The following USP47 variants were observed in gnomAD, a reference collection of about 807,000 sequenced individuals.
USP47 encodes ubiquitin carboxyl-terminal hydrolase 47.
Under a neutral mutation model 165.1 loss-of-function variants are expected in USP47, and 35 were observed. The ratio of observed to expected loss-of-function variants is 0.21; its 90% CI spans 0.16 to 0.28. The LOEUF (loss-of-function observed/expected upper bound fraction) is 0.28. Ranked by LOEUF, USP47 falls within the 10% of genes least tolerant of loss-of-function variation. USP47 has a pLI of 1.00. For missense variants in USP47, 1,277 were observed against 1,607.4 expected (o/e 0.79, Z 3.52); for synonymous variants, 531 against 544.5 (o/e 0.98, Z 0.35).
At chr11:11,880,147 T>A (rs1850737324) in intron 1 of USP47, 30 bp from the exon 2 acceptor site, 3 of 1,406,546 alleles carry the variant, frequency 2.1e-6, no homozygotes, top group Non-Finnish European at 2.8e-6. Context: ...AAAGATAATA[T>A]ATAAAGTCAT....
intron 3 of USP47, among the ~76,000 whole-genome samples, chr11:11,890,410 A>G (rs961455628): frequency 2.0e-5 from 3 of 152,238 alleles, no homozygotes; most frequent in Non-Finnish European, 4.4e-5. Flanking sequence ...TCTCAAAAGA[A>G]GGTATACATG....
intron 16 of USP47, among the ~76,000 whole-genome samples, chr11:11,935,413 A>G (rs1357735958): frequency 6.6e-6 from 1 of 151,990 alleles, no homozygotes; most frequent in Non-Finnish European, 1.5e-5. Flanking sequence ...AATTCTTTAA[A>G]TATAATGGTG....
rs912672932 is a variant in USP47, at chr11:11,933,718, A to T, written c.1765-113A>T. Reference sequence around the variant, plus strand: ...AAAGAATAGATAGAAGAGTGATCTCAATTATGTTCTTTTAAAAAATTGCAG... The same window carrying T: ...AAAGAATAGATAGAAGAGTGATCTCTATTATGTTCTTTTAAAAAATTGCAG... On this transcript the variant is annotated intron_variant, in intron 15 of 27. Coordinates refer to ENST00000527733, the MANE Select transcript of USP47 (RefSeq NM_001282659.2). 4.4e-6 allele frequency: 3 copies of T among 683,548 alleles called. No individual in the cohort carries two copies. The African/African-American group carries it at 5.4e-5, about 12-fold the overall frequency. 42.3% of individuals were successfully genotyped at this position (683,548 alleles called of 1,614,324 possible). A position where few individuals can be genotyped will look rare whatever the true frequency, so the allele number is the denominator to read the frequency against.
intron 16 of USP47, 39 bp downstream of exon 16, chr11:11,933,974 C>CTGTTGTATTAGT: frequency 7.0e-7 from 1 of 1,434,588 alleles, no homozygotes; most frequent in Non-Finnish European, 9.8e-7. Flanking sequence ...CTTACTAATA[C>CTGTTGTATTAGT]AACAGTATTA....
intron 4 of USP47, 114 bp downstream of exon 4, chr11:11,892,220 G>T (rs1172840734): frequency 2.5e-6 from 3 of 1,199,696 alleles, no homozygotes; most frequent in Non-Finnish European, 3.4e-6. Flanking sequence ...CCTAGAGCAG[G>T]AGTACTAGCT....
At chr11:11,944,206 C>T (rs1040721308) in intron 20 of USP47, among the ~76,000 whole-genome samples, 7 of 150,082 alleles carry the variant, frequency 4.7e-5, no homozygotes, top group African/African-American at 7.4e-5. Flanking sequence ...CTGTTAGAAG[C>T]AGAGACAACT....
intron 19 of USP47, among the ~76,000 whole-genome samples, chr11:11,941,781 G>A (rs1855491746): frequency 6.6e-6 from 1 of 152,010 alleles, no homozygotes; most frequent in African/African-American, 2.4e-5. Flanking sequence ...TCTAGTCAGT[G>A]TTCAAATTTC....
chr11:11,924,177 TC>T (rs1854070578), intron 11 of USP47, among the ~76,000 whole-genome samples: 1 of 152,232 alleles, frequency 6.6e-6, no homozygotes, highest in Admixed American at 6.5e-5. Context: ...AAAACTTTTA[TC>T]ATGAATAGGT....
At chr11:11,949,826 G>T in intron 22 of USP47, 63 bp from the exon 23 acceptor site, 2 of 1,077,650 alleles carry the variant, frequency 1.9e-6, no homozygotes. Context: ...TTATTTTAAT[G>T]TGTTAATATT....
chr11:11,920,719 G>A (rs1321145331), intron 10 of USP47, among the ~76,000 whole-genome samples: 4 of 151,796 alleles, frequency 2.6e-5, no homozygotes, highest in Non-Finnish European at 5.9e-5. Flanking sequence ...TTTGATCAGA[G>A]TAACTTATGA....
chr11:11,874,630 G>C (rs186596739), intron 1 of USP47, among the ~76,000 whole-genome samples: 1 of 151,918 alleles, frequency 6.6e-6, no homozygotes, highest in Non-Finnish European at 1.5e-5. Context: ...TGTGACCTCG[G>C]CTGACTGCAA....
At chr11:11,939,247 C>T (rs1056076837) in intron 18 of USP47, among the ~76,000 whole-genome samples, 21 of 151,924 alleles carry the variant, frequency 1.4e-4, no homozygotes, top group African/African-American at 4.6e-4. Flanking sequence ...GTTCTTGAAC[C>T]GTAGGTTAAT....
chr11:11,866,191 A>G (rs1849668272), intron 1 of USP47, among the ~76,000 whole-genome samples: 1 of 152,148 alleles, frequency 6.6e-6, no homozygotes, highest in African/African-American at 2.4e-5. Context: ...CTTTGTAGCT[A>G]TTCATTTCCC....
At chr11:11,881,018 G>A (rs1039619308) in intron 2 of USP47, among the ~76,000 whole-genome samples, 17 of 152,028 alleles carry the variant, frequency 1.1e-4, no homozygotes, top group African/African-American at 4.1e-4. Context: ...TCTGTTAACT[G>A]TTTCCTTAAT....
At chr11:11,899,554 CAGG>C (rs1427360444) in intron 5 of USP47, among the ~76,000 whole-genome samples, 1 of 151,844 alleles carries the variant, frequency 6.6e-6, no homozygotes, top group African/African-American at 2.4e-5. Context: ...GAGTAATTGT[CAGG>C]AGAAGAGGAG....
At chr11:11,914,023 A>G (rs1853222669) in intron 8 of USP47, among the ~76,000 whole-genome samples, 1 of 152,144 alleles carries the variant, frequency 6.6e-6, no homozygotes, top group Non-Finnish European at 1.5e-5. Context: ...TTTTGAGGAC[A>G]TATACAAGCT....
Position 11,938,278 on chromosome 11 carries a change from T to G in USP47, c.2099T>G (p.Val700Gly). The G allele has an allele frequency of 6.2e-7, 1 of 1,612,158 alleles. No individual in the cohort carries two copies. The highest frequency in any genetic ancestry group is 8.5e-7 in the Non-Finnish European group (1 of 1,178,762). The change falls in exon 18 of 28, where the codon GTT becomes GGT. Residue 700 changes from valine (V) to glycine (G), a missense_variant. By Grantham distance (109) the Val-to-Gly change is moderately radical. Around this residue, in one of 4 missense-constraint regions of USP47, gnomAD observed 909 missense variants for 1,068.1 expected, o/e 0.85. Coordinates refer to ENST00000527733, the MANE Select transcript of USP47 (RefSeq NM_001282659.2). Reference protein sequence around the residue: ...KPGEVMVKVHVVDLKAESVAA... With the variant: ...KPGEVMVKVHGVDLKAESVAA... ...ACAGAAGTGATGGTGAAAGTTCATG[T>G]TGTTGATCTAAAGGCAGAATCTGTA...
At chr11:11,889,875 A>C (rs1207285246) in intron 3 of USP47, among the ~76,000 whole-genome samples, 4 of 152,186 alleles carry the variant, frequency 2.6e-5, no homozygotes, top group Admixed American at 6.5e-5. Context: ...CCAATGGAAC[A>C]GAATAGAGAA....
intron 1 of USP47, chr11:11,878,794 A>G (rs979341041): frequency 3.9e-5 from 6 of 152,146 alleles, no homozygotes; most frequent in African/African-American, 1.4e-4. Flanking sequence ...TGCAAACCCA[A>G]AATTGTGTGT....
Sources: gnomAD v4.1 joint callset for allele counts (sites outside exome capture counted in the v4.1 genomes callset) on GRCh38, gnomAD v4.1.1 for gene constraint, gnomAD v4.1.1 regional missense constraint, MANE v1.5 for transcripts, NCBI Gene and HGNC (gene_info 2026-07-23, HGNC 2026-07-21) for gene names.